UCHL3: variants seen among roughly 807,000 people sequenced by gnomAD.
UCHL3 encodes ubiquitin C-terminal hydrolase L3.
UCHL3 carries 22 observed loss-of-function variants against 35.8 expected under a neutral mutation model. That is an observed-to-expected ratio of 0.61 (90% CI 0.44 to 0.88). UCHL3 has a LOEUF of 0.88. Ranked by LOEUF, UCHL3 falls within the 40% of genes least tolerant of loss-of-function variation. The probability of loss-of-function intolerance (pLI) is 0.00; values close to 1 mark genes in which losing one functional copy is unlikely to be tolerated. For synonymous variants in UCHL3, 90 were observed against 92.8 expected (o/e 0.97, Z 0.17); for missense variants, 229 against 276.9 (o/e 0.83, Z 1.23).
At chr13:75,570,397 G>A (rs1008000854) in intron 6 of UCHL3, among the ~76,000 whole-genome samples, 1 of 151,980 alleles carries the variant, frequency 6.6e-6, no homozygotes, top group Non-Finnish European at 1.5e-5. Context: ...CACCATGCCT[G>A]GCTAATTTTT....
intron 2 of UCHL3, among the ~76,000 whole-genome samples, chr13:75,556,553 A>C (rs1038989874): frequency 1.3e-5 from 2 of 152,228 alleles, no homozygotes; most frequent in African/African-American, 4.8e-5. Context: ...AGTGAATTTT[A>C]TCTATTTTTT....
intron 2 of UCHL3, among the ~76,000 whole-genome samples, chr13:75,559,030 CTTTTTTTTTTTTTTTTT>C (rs34100020): frequency 4.7e-5 from 3 of 64,304 alleles, no homozygotes; most frequent in Admixed American, 1.9e-4. Context: ...GCCCCGGACT[CTTTTTTTTTTTTTTTTT>C]TTTTTTTTTT....
chr13:75,561,157 A>C (rs952214181), intron 3 of UCHL3, among the ~76,000 whole-genome samples: 7 of 151,980 alleles, frequency 4.6e-5, no homozygotes. Context: ...CTGGTCTCCA[A>C]CTCGGGCTCA....
Position 75,567,120 on chromosome 13 carries a change from A to G in UCHL3, c.341-107A>G, listed in dbSNP as rs192302910. ...TGATCCTTACATTTCTAACCTACCA[A>G]TGAAAGAATTTAACCTGAAAAATAG... On this transcript the variant is annotated intron_variant, in intron 4 of 8. Coordinates refer to ENST00000377595, the MANE Select transcript of UCHL3 (RefSeq NM_006002.5). The G allele has an allele frequency of 1.0e-3, 1,084 of 1,061,638 alleles. 10 individuals carry two copies. The African/African-American group carries it at 0.014, about 14-fold the overall frequency. 65.8% of individuals were successfully genotyped at this position (1,061,638 alleles called of 1,614,324 possible). A position where few individuals can be genotyped will look rare whatever the true frequency, so the allele number is the denominator to read the frequency against.
At chr13:75,590,978 G>A (rs542403056) in intron 6 of UCHL3, among the ~76,000 whole-genome samples, 33 of 152,286 alleles carry the variant, frequency 2.2e-4, no homozygotes, top group African/African-American at 7.9e-4. Context: ...TAAAGGCAAT[G>A]ACTGTGGTTT....
chr13:75,593,461 A>G (rs2032565185), intron 6 of UCHL3, among the ~76,000 whole-genome samples: 1 of 152,224 alleles, frequency 6.6e-6, no homozygotes, highest in South Asian at 2.1e-4. Flanking sequence ...TGGAAAATAC[A>G]AGGAGACATA....
At chr13:75,605,623 G>A (rs1412097944) in intron 8 of UCHL3, 106 bp from the exon 9 acceptor site, 18 of 1,088,456 alleles carry the variant, frequency 1.7e-5, no homozygotes, top group Non-Finnish European at 2.4e-5. Flanking sequence ...GGAAAAGGAA[G>A]TTTGCAGTGT....
At chr13:75,587,070 A>C (rs2032346691) in intron 6 of UCHL3, among the ~76,000 whole-genome samples, 1 of 151,610 alleles carries the variant, frequency 6.6e-6, no homozygotes, top group Admixed American at 6.6e-5. Flanking sequence ...AAAAGGTAGA[A>C]ATAACAAAGG....
intron 6 of UCHL3, among the ~76,000 whole-genome samples, chr13:75,573,000 C>T (rs1274834395): frequency 2.0e-5 from 3 of 152,194 alleles, no homozygotes; most frequent in African/African-American, 4.8e-5. Context: ...CATGGGGGCT[C>T]ACGCCTGTAA....
At chr13:75,570,392 T>C (rs1206766459) in intron 6 of UCHL3, among the ~76,000 whole-genome samples, 2 of 151,940 alleles carry the variant, frequency 1.3e-5, no homozygotes, top group Admixed American at 6.6e-5. Context: ...CCCGCCACCA[T>C]GCCTGGCTAA....
chr13:75,604,976 G>A, intron 8 of UCHL3, 149 bp downstream of exon 8: 1 of 553,576 alleles, frequency 1.8e-6, no homozygotes, highest in Non-Finnish European at 2.8e-6. Context: ...ATTTATATTA[G>A]TGTTAAAAAT....
At chr13:75,584,358 G>A (rs2032266251) in intron 6 of UCHL3, among the ~76,000 whole-genome samples, 1 of 152,048 alleles carries the variant, frequency 6.6e-6, no homozygotes, top group Admixed American at 6.6e-5. Flanking sequence ...GCTGAGAGTG[G>A]AACAAGAGCA....
chr13:75,564,158 T>G (rs1310434284), intron 3 of UCHL3, among the ~76,000 whole-genome samples: 3 of 151,772 alleles, frequency 2.0e-5, no homozygotes, highest in Admixed American at 2.0e-4. Flanking sequence ...CAGATATCTT[T>G]TTTTTTTTTT....
intron 6 of UCHL3, among the ~76,000 whole-genome samples, chr13:75,580,440 A>G (rs1329939110): frequency 6.6e-6 from 1 of 152,230 alleles, no homozygotes; most frequent in Admixed American, 6.5e-5. Context: ...GTCCTTACAC[A>G]TATGTGTACA....
At chr13:75,594,817 C>T in intron 6 of UCHL3, 98 bp from the exon 7 acceptor site, 1 of 876,960 alleles carries the variant, frequency 1.1e-6, no homozygotes, top group Non-Finnish European at 1.8e-6. Context: ...TAAATGTTCT[C>T]TTATATAATT....
intron 5 of UCHL3, among the ~76,000 whole-genome samples, chr13:75,568,475 GTA>G (rs138711361): frequency 6.6e-6 from 1 of 150,900 alleles, no homozygotes; most frequent in Non-Finnish European, 1.5e-5. Context: ...TTTAGGGAGT[GTA>G]TATATATATA....
chr13:75,576,481 A>G (rs906693586), intron 6 of UCHL3, among the ~76,000 whole-genome samples: 1 of 152,066 alleles, frequency 6.6e-6, no homozygotes, highest in Admixed American at 6.6e-5. Context: ...CAGCCTCCCA[A>G]GTAGCTGGGA....
At chr13:75,588,168 T>A (rs2032379013) in intron 6 of UCHL3, among the ~76,000 whole-genome samples, 1 of 152,174 alleles carries the variant, frequency 6.6e-6, no homozygotes, top group South Asian at 2.1e-4. Context: ...TCCTTATTTC[T>A]ATTTCTGTTC....
intron 2 of UCHL3, among the ~76,000 whole-genome samples, chr13:75,553,261 A>G (rs1366427267): frequency 6.6e-6 from 1 of 152,210 alleles, no homozygotes; most frequent in Non-Finnish European, 1.5e-5. Flanking sequence ...AGAATTGTTC[A>G]TAGCTGCTGC....
Sources: allele counts gnomAD v4.1 joint callset (sites outside exome capture counted in the v4.1 genomes callset), GRCh38; gene constraint gnomAD v4.1.1; transcripts MANE v1.5; gene names NCBI Gene and HGNC (gene_info 2026-07-23, HGNC 2026-07-21).